Variants in GPC6 observed in about 807,000 individuals in gnomAD.
The protein encoded by GPC6 is glypican-6.
In GPC6, 14 loss-of-function variants were observed where a neutral mutation model predicts 55.2. The ratio of observed to expected loss-of-function variants is 0.25; its 90% CI spans 0.17 to 0.40. The LOEUF is 0.40. Ranked by LOEUF, GPC6 falls within the 10% of genes least tolerant of loss-of-function variation. GPC6 has a pLI of 1.00. For synonymous variants in GPC6, 278 were observed against 259.6 expected, an observed-to-expected ratio of 1.07 and a Z score of -0.68; for missense variants, 641 against 708.5, an observed-to-expected ratio of 0.90 and a Z score of 1.08.
At chr13:93,853,271 T>C (rs971223763) in intron 3 of GPC6, among the ~76,000 whole-genome samples, 1 of 151,708 alleles carries the variant, frequency 6.6e-6, no homozygotes, top group Non-Finnish European at 1.5e-5. Flanking sequence ...CTTTTCTTCT[T>C]GGTACAATGC....
chr13:94,257,503 C>A (rs1379551582), intron 4 of GPC6, among the ~76,000 whole-genome samples: 2 of 152,130 alleles, frequency 1.3e-5, no homozygotes, highest in Non-Finnish European at 2.9e-5. Flanking sequence ...CACCTGTCAG[C>A]CCTCTCTTAG....
intron 4 of GPC6, among the ~76,000 whole-genome samples, chr13:94,114,526 G>A (rs1025244632): frequency 6.6e-6 from 1 of 152,128 alleles, no homozygotes; most frequent in Non-Finnish European, 1.5e-5. Context: ...GATCTATTAG[G>A]CTGGGAAGTT....
At chr13:94,088,376 A>G (rs1320139391) in intron 4 of GPC6, among the ~76,000 whole-genome samples, 2 of 152,112 alleles carry the variant, frequency 1.3e-5, no homozygotes, top group South Asian at 2.1e-4. Context: ...AAGGATGTTC[A>G]TAGAAACATC....
chr13:93,305,238 G>A (rs1186463251), intron 1 of GPC6, among the ~76,000 whole-genome samples: 4 of 152,084 alleles, frequency 2.6e-5, no homozygotes, highest in Non-Finnish European at 4.4e-5. Flanking sequence ...TTGAACCCAG[G>A]CAGTCGTTTT....
At chr13:93,473,728 C>T (rs1416176200) in intron 1 of GPC6, among the ~76,000 whole-genome samples, 1 of 152,182 alleles carries the variant, frequency 6.6e-6, no homozygotes, top group Non-Finnish European at 1.5e-5. Context: ...TGGCCTGGCC[C>T]CATCATGGTG....
chr13:94,252,848 A>G (rs908810803), intron 4 of GPC6, among the ~76,000 whole-genome samples: 3 of 152,074 alleles, frequency 2.0e-5, no homozygotes, highest in African/African-American at 7.2e-5. Context: ...ATGGGACTCA[A>G]GGATATGATA....
chr13:94,355,480 G>A (rs908545562), intron 6 of GPC6, among the ~76,000 whole-genome samples: 15 of 152,090 alleles, frequency 9.9e-5, no homozygotes, highest in Admixed American at 1.3e-4. Flanking sequence ...CATACACATC[G>A]TACTGAAAGT....
At chr13:93,928,512 A>G (rs547631735) in intron 3 of GPC6, among the ~76,000 whole-genome samples, 3 of 152,298 alleles carry the variant, frequency 2.0e-5, no homozygotes, top group South Asian at 4.1e-4. Context: ...TCATGAGCTT[A>G]TAAGACAATG....
intron 4 of GPC6, among the ~76,000 whole-genome samples, chr13:94,234,018 A>T (rs918642444): frequency 6.6e-6 from 1 of 152,112 alleles, no homozygotes; most frequent in African/African-American, 2.4e-5. Context: ...TGGCATTTGA[A>T]GTATGAGAAA....
intron 2 of GPC6, among the ~76,000 whole-genome samples, chr13:93,602,662 A>T (rs965187293): frequency 1.3e-5 from 2 of 152,232 alleles, no homozygotes; most frequent in African/African-American, 4.8e-5. Flanking sequence ...GTATTAATCA[A>T]TCATGAAAAA....
intron 4 of GPC6, among the ~76,000 whole-genome samples, chr13:94,108,824 A>G (rs1886143585): frequency 6.6e-6 from 1 of 151,550 alleles, no homozygotes; most frequent in South Asian, 2.1e-4. Flanking sequence ...CCTGAGCAAC[A>G]AGAGCGAGAC....
chr13:93,233,054 A>G (rs1876115358), intron 1 of GPC6, among the ~76,000 whole-genome samples: 2 of 152,096 alleles, frequency 1.3e-5, no homozygotes, highest in African/African-American at 2.4e-5. Context: ...TGGTGATTTT[A>G]TTTCTTTACA....
intron 2 of GPC6, among the ~76,000 whole-genome samples, chr13:93,737,497 A>C (rs1884046794): frequency 2.0e-5 from 3 of 152,170 alleles, no homozygotes; most frequent in African/African-American, 4.8e-5. Context: ...GAGTGAAAGG[A>C]AGACAATCAA....
chr13:93,976,063 A>G (rs377282440), intron 3 of GPC6, among the ~76,000 whole-genome samples: 21 of 152,262 alleles, frequency 1.4e-4, no homozygotes, highest in African/African-American at 4.8e-4. Flanking sequence ...TGTAATTTTC[A>G]GGTGATCCTC....
At chr13:93,780,363 G>C (rs992329049) in intron 2 of GPC6, among the ~76,000 whole-genome samples, 9 of 151,264 alleles carry the variant, frequency 5.9e-5, no homozygotes, top group Admixed American at 4.6e-4. Context: ...GATGCTATTT[G>C]CTATTGTAAA....
At chr13:93,560,849 A>G (rs1432607277) in intron 2 of GPC6, among the ~76,000 whole-genome samples, 1 of 151,924 alleles carries the variant, frequency 6.6e-6, no homozygotes, top group Non-Finnish European at 1.5e-5. Context: ...CTACTTTGAT[A>G]ACAAAGCAGA....
chr13:93,675,398 A>G (rs1365779310), intron 2 of GPC6, among the ~76,000 whole-genome samples: 2 of 151,918 alleles, frequency 1.3e-5, no homozygotes, highest in Non-Finnish European at 2.9e-5. Flanking sequence ...AGAGGCACAA[A>G]TATATATTTA....
chr13:94,364,009 T>C (rs747549968), intron 6 of GPC6, among the ~76,000 whole-genome samples: 6 of 152,268 alleles, frequency 3.9e-5, no homozygotes, highest in Admixed American at 6.5e-5. Context: ...AAACATAACA[T>C]TGAAGTTAGC....
At chr13:93,708,747 C>T (rs1237363204) in intron 2 of GPC6, among the ~76,000 whole-genome samples, 4 of 151,606 alleles carry the variant, frequency 2.6e-5, no homozygotes, top group African/African-American at 9.7e-5. Context: ...TATGGTAAGC[C>T]AGGCCACTAA....
Sources: gnomAD v4.1 joint callset for allele counts (sites outside exome capture counted in the v4.1 genomes callset) on GRCh38, gnomAD v4.1.1 for gene constraint, MANE v1.5 for transcripts, NCBI Gene and HGNC (gene_info 2026-07-23, HGNC 2026-07-21) for gene names.